Variants in TMEM168 observed in about 807,000 individuals in gnomAD.
The protein encoded by TMEM168 is transmembrane protein 168.
Under a neutral mutation model 53.2 loss-of-function variants are expected in TMEM168, and 40 were observed. That is an observed-to-expected ratio of 0.75 (90% CI 0.58 to 0.98). TMEM168 has a LOEUF of 0.98. TMEM168 is among the 50% of genes least tolerant of loss of function. The pLI is 0.00. For synonymous variants in TMEM168, 282 were observed against 293.0 expected (o/e 0.96, Z 0.38); for missense variants, 771 against 828.8 (o/e 0.93, Z 0.86).
chr7:112,771,226 A>G (rs1471804207), intron 4 of TMEM168, among the ~76,000 whole-genome samples: 1 of 152,222 alleles, frequency 6.6e-6, no homozygotes, highest in East Asian at 1.9e-4. Flanking sequence ...GTTAACAAAA[A>G]TATCCACTTA....
chr7:112,767,887 A>AAT (rs1792831243), intron 4 of TMEM168, 143 bp from the exon 5 acceptor site: 2 of 649,206 alleles, frequency 3.1e-6, no homozygotes, highest in African/African-American at 3.7e-5. Context: ...ATAAGCAAAA[A>AAT]AATAAAGTAT....
intron 2 of TMEM168, among the ~76,000 whole-genome samples, chr7:112,781,818 A>G (rs1007509408): frequency 1.3e-5 from 2 of 152,164 alleles, no homozygotes; most frequent in Non-Finnish European, 2.9e-5. Flanking sequence ...CCTAGTGTTG[A>G]GCAAAGAATT....
chr7:112,779,955 C>T (rs1243897801), intron 2 of TMEM168, among the ~76,000 whole-genome samples: 3 of 152,126 alleles, frequency 2.0e-5, no homozygotes, highest in Non-Finnish European at 1.5e-5. Flanking sequence ...AAACAGTATA[C>T]GTAAATGCGG....
intron 4 of TMEM168, 79 bp downstream of exon 4, chr7:112,772,702 A>ATGGGGG: frequency 6.7e-7 from 1 of 1,493,668 alleles, no homozygotes; most frequent in East Asian, 2.3e-5. Flanking sequence ...CTGGAAATTT[A>ATGGGGG]ACGACTGTGT....
intron 4 of TMEM168, among the ~76,000 whole-genome samples, chr7:112,768,300 A>G (rs1792840340): frequency 6.6e-6 from 1 of 152,226 alleles, no homozygotes; most frequent in Admixed American, 6.5e-5. Context: ...TATGGCTGCT[A>G]TTGCTCTAAA....
intron 4 of TMEM168, among the ~76,000 whole-genome samples, chr7:112,769,484 A>G (rs1454356393): frequency 6.6e-6 from 1 of 152,174 alleles, no homozygotes; most frequent in African/African-American, 2.4e-5. Context: ...CATGCCATCC[A>G]CAACTATTTC....
At chr7:112,781,454 A>G (rs1398646155) in intron 2 of TMEM168, among the ~76,000 whole-genome samples, 1 of 152,234 alleles carries the variant, frequency 6.6e-6, no homozygotes, top group African/African-American at 2.4e-5. Context: ...ATATTAGGAT[A>G]TCACACAACA....
Position 112,767,391 on chromosome 7 carries a change from C to T in TMEM168, c.1900G>A (p.Asp634Asn), listed in dbSNP as rs748709991. 30 of 1,614,036 alleles carry T rather than the reference C, an allele frequency of 1.9e-5. No homozygotes were observed. Among genetic ancestry groups the T allele is most frequent in the African/African-American group, 9.3e-5 (7 of 74,928 alleles). The change falls in exon 5 of 5, where the codon GAT becomes AAT. Residue 634 changes from aspartate (D) to asparagine (N), a missense_variant. Coordinates refer to ENST00000312814, the MANE Select transcript of TMEM168 (RefSeq NM_022484.6). ...DYTLHLPTGS[D>N]VAKHWMLHFP... is the part of the protein sequence containing the mutation. ...TGTAACATCCAGTGCTTGGCCACAT[C>T]GCTTCCCGTTGGCAAATGCAGAGTG... is the stretch of plus-strand genomic sequence containing the variant.
rs1160846108 is a variant in TMEM168, at chr7:112,765,334, C to T, written c.*1863G>A. ...GTTAGGTTTGTGGCTGTCAAACTGT[C>T]AGCTGTTTTTAAAATGTAATTTTTA... On this transcript the variant is annotated 3_prime_UTR_variant, in exon 5 of 5. Transcript: ENST00000312814. 10 of 152,106 alleles carry T rather than the reference C, an allele frequency of 6.6e-5. No homozygotes were observed. The highest frequency in any genetic ancestry group is 5.9e-4 in the Admixed American group (9 of 15,270). 9.4% of individuals were successfully genotyped at this position (152,106 alleles called of 1,614,324 possible).
intron 4 of TMEM168, among the ~76,000 whole-genome samples, chr7:112,769,373 A>G (rs182271370): frequency 8.5e-5 from 13 of 152,302 alleles, no homozygotes; most frequent in Admixed American, 6.5e-5. Flanking sequence ...TTAACTCTCC[A>G]TTATTGTCAG....
rs749805954 is a variant in TMEM168, at chr7:112,784,707, G to A, written c.119C>T (p.Ala40Val). ...HSSVRYLGYL[A>V]RINLLVAICL... ...TATAGCAACCAATAAATTGATTCTG[G>A]CTAAATAGCCAAGATACCGCACTGA... is the stretch of plus-strand genomic sequence containing the variant. The change falls in exon 2 of 5, where the codon GCC (alanine) becomes GTC (valine). Residue 40 changes from alanine (A) to valine (V), a missense_variant. By Grantham distance (64) the Ala-to-Val change is moderately conservative (BLOSUM62 0). Transcript: ENST00000312814. 6.2e-7 allele frequency: 1 copy of A among 1,613,912 alleles called. No homozygotes were observed. The highest frequency in any genetic ancestry group is 1.7e-5 in the Admixed American group (1 of 60,008).
At chr7:112,775,397 T>A in intron 2 of TMEM168, 79 bp from the exon 3 acceptor site, 1 of 1,234,184 alleles carries the variant, frequency 8.1e-7, no homozygotes, top group Admixed American at 2.9e-5. Flanking sequence ...TTGATTCACA[T>A]TTTTTAGCTT....
Position 112,767,478 on chromosome 7 carries a change from A to G in TMEM168, c.1813T>C (p.Trp605Arg). The change falls in exon 5 of 5, where the codon TGG becomes CGG. Residue 605 changes from tryptophan (W) to arginine (R), a missense_variant. By Grantham distance (101) the Trp-to-Arg change is moderately radical. Transcript: ENST00000312814. ...YNCNSSNNIC[W>R]TEKGRTVKAV... ...TTCACTGTGCGTCCCTTTTCAGTCC[A>G]GCAGATGTTATTACTGGAGTTGCAG... 4 of 1,614,170 alleles carry G rather than the reference A, an allele frequency of 2.5e-6. No individual in the cohort carries two copies. The highest frequency in any genetic ancestry group is 3.4e-6 in the Non-Finnish European group (4 of 1,180,028).
chr7:112,788,785 A>T (rs1161850461), intron 1 of TMEM168, among the ~76,000 whole-genome samples: 2 of 152,106 alleles, frequency 1.3e-5, no homozygotes, highest in Non-Finnish European at 2.9e-5. Flanking sequence ...CCTGTCTACT[A>T]TTCTTCCTAA....
In TMEM168 at chr7:112,764,512, T is replaced by C. The variant is rs1319714307; in HGVS notation, c.*2685A>G. ...TATTATTTTTTTTGTTTGTTTCTTTTTTTTTTTGAGATGGAGTCTCTCTCT... is the reference window on the plus strand; with the variant it reads ...TATTATTTTTTTTGTTTGTTTCTTTCTTTTTTTGAGATGGAGTCTCTCTCT... On this transcript the variant is annotated 3_prime_UTR_variant, in exon 5 of 5. Coordinates refer to ENST00000312814, the MANE Select transcript of TMEM168 (RefSeq NM_022484.6). 6.6e-6 allele frequency: 1 copy of C among 151,792 alleles called. No individual in the cohort carries two copies. The highest frequency in any genetic ancestry group is 2.4e-5 in the African/African-American group (1 of 41,286). The allele number at this position is 151,792 out of a possible 1,614,324, so 9.4% of individuals were successfully genotyped here. A position where few individuals can be genotyped will look rare whatever the true frequency, so the allele number is the denominator to read the frequency against.
chr7:112,782,254 A>G (rs1161350803), intron 2 of TMEM168, among the ~76,000 whole-genome samples: 1 of 152,186 alleles, frequency 6.6e-6, no homozygotes, highest in East Asian at 1.9e-4. Context: ...TGATTCTCTT[A>G]AAATTATCTC....
At chr7:112,786,999 G>C (rs1465621072) in intron 1 of TMEM168, among the ~76,000 whole-genome samples, 1 of 152,056 alleles carries the variant, frequency 6.6e-6, no homozygotes, top group Non-Finnish European at 1.5e-5. Context: ...CTCTATCTAA[G>C]GCTAAACCTT....
At position 112,775,241 on chromosome 7, in the gene TMEM168, T is replaced by C. The variant is rs1793045704; in HGVS notation, c.1206A>G (p.Glu402=). 6.2e-7 allele frequency: 1 copy of C among 1,613,792 alleles called. No homozygotes were observed. The highest frequency in any genetic ancestry group is 1.7e-4 in the Middle Eastern group (1 of 6,060). ...ATGTTCCTCCTAAACAGTTACCCAA[T>C]TCATGGAAGAGCCCATGAGCCATGG... ...LESMAHGLFH[E]LGNCLGGTSV... Residue 402 remains glutamate (E), a synonymous_variant, in exon 3 of 5, where the codon GAA becomes GAG. Transcript: ENST00000312814.
At chr7:112,767,857 C>T (rs1792828453) in intron 4 of TMEM168, 113 bp from the exon 5 acceptor site, 2 of 909,020 alleles carry the variant, frequency 2.2e-6, no homozygotes, top group East Asian at 5.4e-5. Flanking sequence ...CATGTATTTT[C>T]CTTAAGTTCT....
Sources: allele counts gnomAD v4.1 joint callset (sites outside exome capture counted in the v4.1 genomes callset), GRCh38; gene constraint gnomAD v4.1.1; transcripts MANE v1.5; gene names NCBI Gene and HGNC (gene_info 2026-07-23, HGNC 2026-07-21).